ARHGEF16: variants seen among roughly 807,000 people sequenced by gnomAD.
ARHGEF16 encodes Rho guanine exchange factor (GEF) 16.
Under a neutral mutation model 74.1 loss-of-function variants are expected in ARHGEF16, and 59 were observed. The observed-to-expected ratio is 0.80, with a 90% confidence interval of 0.65 to 0.99. The LOEUF (loss-of-function observed/expected upper bound fraction) is 0.99. Ranked by LOEUF, ARHGEF16 falls within the 50% of genes least tolerant of loss-of-function variation. The pLI is 0.00. For missense variants in ARHGEF16, 948 were observed against 986.6 expected (o/e 0.96, Z 0.52); for synonymous variants, 415 against 412.6 (o/e 1.01, Z -0.07).
intron 2 of ARHGEF16, among the ~76,000 whole-genome samples, chr1:3,464,991 C>T (rs946460587): frequency 2.6e-5 from 4 of 152,214 alleles, no homozygotes; most frequent in African/African-American, 7.2e-5. Flanking sequence ...CCACTGTCCT[C>T]GGTCACAGCT....
At chr1:3,458,058 G>A (rs918232844) in intron 1 of ARHGEF16, among the ~76,000 whole-genome samples, 5 of 152,294 alleles carry the variant, frequency 3.3e-5, no homozygotes, top group African/African-American at 7.2e-5. Context: ...TTCTTGGCAC[G>A]GAACACCAGG....
At chr1:3,479,119 C>T (rs1030889211) in intron 12 of ARHGEF16, among the ~76,000 whole-genome samples, 3 of 152,332 alleles carry the variant, frequency 2.0e-5, no homozygotes, top group Non-Finnish European at 4.4e-5. Flanking sequence ...GCGGGCCCCC[C>T]GTGGAAGCCA....
Position 3,480,543 on chromosome 1 carries a change from A to G in ARHGEF16, c.2086A>G (p.Asn696Asp). 6.2e-7 allele frequency: 1 copy of G among 1,611,406 alleles called. No homozygotes were observed. Among genetic ancestry groups the G allele is most frequent in the Non-Finnish European group, 8.5e-7 (1 of 1,179,920 alleles). Residue 696 changes from asparagine to aspartate, a missense_variant, in exon 15 of 15, where the codon AAT becomes GAT. Physicochemically the swap from Asn to Asp is conservative, Grantham distance 23 (BLOSUM62 1). Coordinates refer to ENST00000378378, the MANE Select transcript of ARHGEF16 (RefSeq NM_014448.4). Reference sequence around the variant, plus strand: ...CACCAGCCGTGTGGCCGTGGAGGGCAATGTCCGCAGGATGGAGCGTCTGCG... The same window carrying G: ...CACCAGCCGTGTGGCCGTGGAGGGCGATGTCCGCAGGATGGAGCGTCTGCG... Reference protein sequence around the residue: ...FITSRVAVEGNVRRMERLRVE... With the variant: ...FITSRVAVEGDVRRMERLRVE...
Position 3,463,371 on chromosome 1 carries a change from C to A in ARHGEF16, c.287C>A (p.Ala96Asp). The A allele has an allele frequency of 4.5e-6, 7 of 1,550,204 alleles. No individual in the cohort carries two copies. The highest frequency in any genetic ancestry group is 6.1e-6 in the Non-Finnish European group (7 of 1,146,898). The change falls in exon 2 of 15, where the codon GCC (alanine) becomes GAC (aspartate). Residue 96 changes from alanine (A) to aspartate (D), a missense_variant. Coordinates refer to ENST00000378378, the MANE Select transcript of ARHGEF16 (RefSeq NM_014448.4). ...QQLIPKSLAV[A>D]SKAKTPARHQ... is the part of the protein sequence containing the mutation. ...CTGATCCCTAAGAGCCTGGCTGTGG[C>A]CAGCAAGGCAAAGACCCCAGCCCGC...
At chr1:3,464,088 G>C in intron 2 of ARHGEF16, among the ~76,000 whole-genome samples, 1 of 152,276 alleles carries the variant, frequency 6.6e-6, no homozygotes, top group East Asian at 1.9e-4. Flanking sequence ...ACTCAGGCGG[G>C]AGGGACTGAA....
intron 2 of ARHGEF16, among the ~76,000 whole-genome samples, chr1:3,464,481 A>T (rs890253463): frequency 6.6e-6 from 1 of 152,182 alleles, no homozygotes; most frequent in Non-Finnish European, 1.5e-5. Flanking sequence ...GTCTGGGCTC[A>T]GGCAGGGCTG....
chr1:3,475,910 G>GT, intron 9 of ARHGEF16, 60 bp from the exon 10 acceptor site: 1 of 1,491,158 alleles, frequency 6.7e-7, no homozygotes, highest in Non-Finnish European at 9.0e-7. Context: ...ACTGTGGGCC[G>GT]TGTGGGCTGT....
chr1:3,480,448 G>C lies in ARHGEF16; in HGVS notation c.1991G>C (p.Gly664Ala). 3.7e-6 allele frequency: 6 copies of C among 1,612,444 alleles called. No individual in the cohort carries two copies. The highest frequency in any genetic ancestry group is 5.1e-6 in the Non-Finnish European group (6 of 1,179,918). The change falls in exon 15 of 15, where the codon GGG (glycine) becomes GCG (alanine). Residue 664 changes from glycine (G) to alanine (A), a missense_variant and splice_region_variant. Physicochemically the swap from Gly to Ala is moderately conservative, Grantham distance 60 (BLOSUM62 0). Coordinates refer to ENST00000378378, the MANE Select transcript of ARHGEF16 (RefSeq NM_014448.4). ...CCCTCCCACCCCTATCCGGGTTCAG[G>C]GTGGCTCTATGGCGAGAGGCTCCGG... ...DVVLVLQQEDGWLYGERLRDG... is the reference protein window; with the variant it reads ...DVVLVLQQEDAWLYGERLRDG...
At chr1:3,462,635 C>T (rs918709204) in intron 1 of ARHGEF16, among the ~76,000 whole-genome samples, 2 of 152,220 alleles carry the variant, frequency 1.3e-5, no homozygotes, top group Admixed American at 6.5e-5. Context: ...CAGGTGTGAG[C>T]CAGGATTCCA....
chr1:3,468,963 G>C (rs1014542741), intron 5 of ARHGEF16, 27 bp downstream of exon 5: 12 of 1,548,922 alleles, frequency 7.7e-6, no homozygotes, highest in African/African-American at 1.4e-5. Context: ...CGGGAGGGCT[G>C]TCCCCCATGG....
intron 8 of ARHGEF16, chr1:3,473,999 T>C: frequency 8.4e-6 from 2 of 237,244 alleles, no homozygotes; most frequent in South Asian, 1.2e-4. Context: ...GGGTGAAAGG[T>C]GTACACACAC....
intron 6 of ARHGEF16, chr1:3,472,757 C>T (rs2487687): frequency 0.91 from 246,896 of 270,544 alleles, 113,278 homozygotes; most frequent in South Asian, 0.97. Flanking sequence ...ACAGGAGGTC[C>T]AAATGGGCCC....
At chr1:3,472,724 C>T (rs1569866118) in intron 6 of ARHGEF16, 1 of 192,058 alleles carries the variant, frequency 5.2e-6, no homozygotes, top group South Asian at 1.5e-4. Context: ...GGGCGAAGGG[C>T]ACCAACTGGA....
At position 3,480,581 on chromosome 1, in the gene ARHGEF16, C is replaced by T. The variant is rs1217721002; in HGVS notation, c.2124C>T (p.Asp708=). ...TGGAGCGTCTGCGGGTGGAGACGGA[C>T]GTGTAGCCCTGGCGAGGCCAGCCGG... ...RRMERLRVET[D]V The change falls in exon 15 of 15, where the codon GAC becomes GAT. Residue 708 remains aspartate, a synonymous_variant. Transcript: ENST00000378378. 4.4e-6 allele frequency: 7 copies of T among 1,606,576 alleles called. No homozygotes were observed. The highest frequency in any genetic ancestry group is 2.7e-5 in the African/African-American group (2 of 74,922).
chr1:3,477,817 G>T, intron 10 of ARHGEF16, 58 bp from the exon 11 acceptor site: 2 of 1,573,970 alleles, frequency 1.3e-6, no homozygotes, highest in South Asian at 1.1e-5. Context: ...TGCTCACCCC[G>T]GCTCTGTCCC....
At chr1:3,469,657 C>T in intron 6 of ARHGEF16, 64 bp downstream of exon 6, 1 of 1,592,472 alleles carries the variant, frequency 6.3e-7, no homozygotes, top group South Asian at 1.1e-5. Flanking sequence ...CCCCCGTGGG[C>T]ACCGCACTGT....
chr1:3,466,230 C>T, intron 3 of ARHGEF16, 37 bp downstream of exon 3: 1 of 1,530,010 alleles, frequency 6.5e-7, no homozygotes, highest in South Asian at 1.2e-5. Flanking sequence ...GGGCTGGGCT[C>T]CAGTTGAAAC....
chr1:3,476,092 G>C (rs1448316104), intron 10 of ARHGEF16, 30 bp downstream of exon 10: 2 of 1,544,314 alleles, frequency 1.3e-6, no homozygotes, highest in Admixed American at 2.0e-5. Context: ...AGGGCCACTC[G>C]GACCACTTCC....
In ARHGEF16 at chr1:3,475,903, G is replaced by T. The variant is rs1259467499; in HGVS notation, c.1381-67G>T. The T allele has an allele frequency of 2.0e-6, 3 of 1,473,154 alleles. No individual in the cohort carries two copies. The African/African-American group carries it at 4.2e-5, about 21-fold the overall frequency. The allele number at this position is 1,473,154 out of a possible 1,614,324, so 91.3% of individuals were successfully genotyped here. A position where few individuals can be genotyped will look rare whatever the true frequency, so the allele number is the denominator to read the frequency against. ...GCTGGGCAGGTGTCCTGGGCACACT[G>T]TGGGCCGTGTGGGCTGTGCCAGGGC... On this transcript the variant is annotated intron_variant, in intron 9 of 14. Coordinates refer to ENST00000378378, the MANE Select transcript of ARHGEF16 (RefSeq NM_014448.4).
Sources: gnomAD v4.1 joint callset for allele counts (sites outside exome capture counted in the v4.1 genomes callset) on GRCh38, gnomAD v4.1.1 for gene constraint, MANE v1.5 for transcripts, NCBI Gene and HGNC (gene_info 2026-07-23, HGNC 2026-07-21) for gene names.